AK9: variants seen among roughly 807,000 people sequenced by gnomAD.
The protein encoded by AK9 is adenylate kinase 9.
A neutral mutation model predicts 239.6 loss-of-function variants in AK9; 191 were observed. That is an observed-to-expected ratio of 0.80 (90% CI 0.71 to 0.90). AK9 has a LOEUF of 0.90. Ranked by LOEUF, AK9 falls within the 40% of genes least tolerant of loss-of-function variation. The pLI is 0.00. For synonymous variants in AK9, 689 were observed against 721.0 expected, an observed-to-expected ratio of 0.96 and a Z score of 0.71; for missense variants, 1,995 against 2,214.7, an observed-to-expected ratio of 0.90 and a Z score of 1.99.
At chr6:109,594,492 C>T (rs1181311974) in intron 17 of AK9, among the ~76,000 whole-genome samples, 1 of 152,144 alleles carries the variant, frequency 6.6e-6, no homozygotes, top group Non-Finnish European at 1.5e-5. Flanking sequence ...TGACTTTCTT[C>T]ACAGAATCAG....
At chr6:109,521,128 C>T (rs1779817749) in intron 29 of AK9, among the ~76,000 whole-genome samples, 1 of 152,032 alleles carries the variant, frequency 6.6e-6, no homozygotes, top group Admixed American at 6.6e-5. Flanking sequence ...ATATTTTTAA[C>T]AGCCACATAG....
chr6:109,505,763 G>C (rs951137199), intron 35 of AK9, among the ~76,000 whole-genome samples: 6 of 152,132 alleles, frequency 3.9e-5, no homozygotes, highest in Non-Finnish European at 5.9e-5. Flanking sequence ...ATGATAGCTT[G>C]GGTAGCGGCA....
rs576720561 is a variant in AK9, at chr6:109,504,134, G to A, written c.4849+2193C>T. ...TTTGGGAGGCTGATGTGAGAGGATCGCTTGTAGCCAGGAGTTTGAGACCAG... is the reference window on the plus strand; with the variant it reads ...TTTGGGAGGCTGATGTGAGAGGATCACTTGTAGCCAGGAGTTTGAGACCAG... On this transcript the variant is annotated intron_variant, in intron 35 of 40. Coordinates refer to ENST00000424296, the MANE Select transcript of AK9 (RefSeq NM_001145128.3). Among the ~76,000 whole-genome samples, 20 of 152,200 alleles carry A rather than the reference G, an allele frequency of 1.3e-4. 1 individual carries two copies. Among genetic ancestry groups the A allele is most frequent in the African/African-American group, 4.6e-4 (19 of 41,532 alleles).
intron 16 of AK9, among the ~76,000 whole-genome samples, chr6:109,611,772 A>G (rs1793612930): frequency 6.6e-6 from 1 of 152,214 alleles, no homozygotes; most frequent in South Asian, 2.1e-4. Flanking sequence ...GCAGAAAGAT[A>G]GATTGCCTGT....
chr6:109,526,801 A>G (rs1433126369), intron 29 of AK9, among the ~76,000 whole-genome samples: 2 of 152,066 alleles, frequency 1.3e-5, no homozygotes, highest in African/African-American at 4.8e-5. Flanking sequence ...ATACCCATGC[A>G]CACTTTTGCT....
rs541448196 is a variant in AK9 at position 109,673,747 on chromosome 6, A to G, written c.181+451T>C. Among the ~76,000 whole-genome samples the G allele has an allele frequency of 7.2e-4, 110 of 152,244 alleles. 1 individual carries two copies. Among genetic ancestry groups the G allele is most frequent in the African/African-American group, 2.4e-3 (100 of 41,568 alleles). ...AAATTACGAATAGAGAATTGGAGGT[A>G]GTAGAATAGAGTTGATGACATTTCA... is the stretch of plus-strand genomic sequence containing the variant. On this transcript the variant is annotated intron_variant, in intron 3 of 40. Transcript: ENST00000424296.
At chr6:109,635,296 T>C (rs1481605064) in intron 10 of AK9, among the ~76,000 whole-genome samples, 2 of 152,058 alleles carry the variant, frequency 1.3e-5, no homozygotes, top group African/African-American at 4.8e-5. Context: ...AGAGCAAAGA[T>C]AGGTATGGGA....
At chr6:109,559,118 C>G (rs1180474127) in intron 24 of AK9, among the ~76,000 whole-genome samples, 1 of 151,088 alleles carries the variant, frequency 6.6e-6, no homozygotes, top group African/African-American at 2.4e-5. Flanking sequence ...TCCCAAAGTG[C>G]TAGGATTACA....
chr6:109,596,050 CTA>C (rs750140632), intron 17 of AK9, among the ~76,000 whole-genome samples: 3 of 151,868 alleles, frequency 2.0e-5, no homozygotes, highest in Non-Finnish European at 4.4e-5. Flanking sequence ...CGAAAAAAAT[CTA>C]TTTCTATTGG....
At chr6:109,580,613 T>C (rs1788715887) in intron 19 of AK9, among the ~76,000 whole-genome samples, 1 of 152,152 alleles carries the variant, frequency 6.6e-6, no homozygotes, top group Non-Finnish European at 1.5e-5. Context: ...TTGCATCCAT[T>C]TTCCCTTCTT....
chr6:109,653,566 T>G (rs1369616404), intron 8 of AK9, among the ~76,000 whole-genome samples: 2 of 152,206 alleles, frequency 1.3e-5, no homozygotes, highest in African/African-American at 4.8e-5. Flanking sequence ...ATTTTTCCTT[T>G]CTATGATTTA....
chr6:109,644,592 T>C, intron 9 of AK9, 22 bp downstream of exon 9: 2 of 1,577,944 alleles, frequency 1.3e-6, no homozygotes, highest in Non-Finnish European at 1.7e-6. Flanking sequence ...TGTGAAGTAT[T>C]CCTGCTTAAC....
Position 109,659,650 on chromosome 6 carries a change from T to C in AK9, c.445-237A>G, listed in dbSNP as rs113471391. ...CAAAATTAATATAGGTGAAAAAGTA[T>C]TACAAGTCTTAAGATGAGAAAAGAG... On this transcript the variant is annotated intron_variant, in intron 6 of 40. Coordinates refer to ENST00000424296, the MANE Select transcript of AK9 (RefSeq NM_001145128.3). Among the ~76,000 whole-genome samples the C allele has an allele frequency of 6.3e-3, 954 of 152,204 alleles. 16 individuals carry two copies. The highest frequency in any genetic ancestry group is 0.022 in the African/African-American group (907 of 41,530).
At chr6:109,585,049 G>A in intron 19 of AK9, 74 bp downstream of exon 19, 1 of 848,636 alleles carries the variant, frequency 1.2e-6, no homozygotes, top group Non-Finnish European at 1.5e-6. Context: ...TATTCTATAA[G>A]TATAATTGCA....
intron 19 of AK9, among the ~76,000 whole-genome samples, chr6:109,583,203 T>C (rs1789080441): frequency 6.6e-6 from 1 of 152,126 alleles, no homozygotes; most frequent in African/African-American, 2.4e-5. Context: ...ACATCTTCCT[T>C]ATCCAAATCC....
At chr6:109,673,158 T>C (rs1246300430) in intron 3 of AK9, among the ~76,000 whole-genome samples, 1 of 152,170 alleles carries the variant, frequency 6.6e-6, no homozygotes, top group Admixed American at 6.6e-5. Context: ...TCTTTAAGAT[T>C]TCCTAGAAGT....
At chr6:109,665,938 T>C (rs149375120) in intron 5 of AK9, among the ~76,000 whole-genome samples, 21 of 152,344 alleles carry the variant, frequency 1.4e-4, no homozygotes, top group Non-Finnish European at 2.5e-4. Flanking sequence ...CCTGGAGAGC[T>C]TGTCAGGCAT....
intron 12 of AK9, among the ~76,000 whole-genome samples, chr6:109,621,191 G>C (rs1794768773): frequency 8.7e-6 from 1 of 114,336 alleles, no homozygotes; most frequent in Non-Finnish European, 1.8e-5. Flanking sequence ...ACCATTATGA[G>C]ATATCATCTC....
At chr6:109,600,367 T>G (rs965228670) in intron 17 of AK9, among the ~76,000 whole-genome samples, 2 of 152,214 alleles carry the variant, frequency 1.3e-5, no homozygotes, top group Non-Finnish European at 2.9e-5. Context: ...TCTGTTTATA[T>G]GCTGGATCAT....
Sources: gnomAD v4.1 joint callset for allele counts (sites outside exome capture counted in the v4.1 genomes callset) on GRCh38, gnomAD v4.1.1 for gene constraint, MANE v1.5 for transcripts, NCBI Gene and HGNC (gene_info 2026-07-23, HGNC 2026-07-21) for gene names.